The following SEMA5A variants were observed in gnomAD, a reference collection of about 807,000 sequenced individuals.
SEMA5A encodes semaphorin 5A.
SEMA5A carries 55 observed loss-of-function variants against 135.5 expected under a neutral mutation model. The observed-to-expected ratio is 0.41, with a 90% CI of 0.33 to 0.51. SEMA5A has a LOEUF of 0.51. SEMA5A is among the 20% of genes least tolerant of loss of function. The pLI, the probability that SEMA5A is intolerant of heterozygous loss-of-function variation, is 0.37. For missense variants in SEMA5A, 1,290 were observed against 1,419.9 expected, an observed-to-expected ratio of 0.91 and a Z score of 1.47; for synonymous variants, 580 against 546.5, an observed-to-expected ratio of 1.06 and a Z score of -0.85.
intron 3 of SEMA5A, among the ~76,000 whole-genome samples, chr5:9,356,102 T>G (rs1754432275): frequency 6.6e-6 from 1 of 152,218 alleles, no homozygotes; most frequent in African/African-American, 2.4e-5. Context: ...CCTTCAATTC[T>G]TTCCCCAGAA....
At chr5:9,132,128 T>C (rs1741471013) in intron 13 of SEMA5A, among the ~76,000 whole-genome samples, 1 of 152,210 alleles carries the variant, frequency 6.6e-6, no homozygotes, top group Admixed American at 6.5e-5. Context: ...GAGTAAACTA[T>C]TGCCCTGTCA....
At chr5:9,371,386 G>T (rs1297400956) in intron 3 of SEMA5A, among the ~76,000 whole-genome samples, 1 of 152,104 alleles carries the variant, frequency 6.6e-6, no homozygotes, top group Non-Finnish European at 1.5e-5. Flanking sequence ...TTAAAGTCCA[G>T]TCTAAGTATT....
intron 20 of SEMA5A, 146 bp downstream of exon 20, chr5:9,051,727 C>G: frequency 1.1e-6 from 1 of 885,986 alleles, no homozygotes. Context: ...TATAGACCTA[C>G]GTTTTAAACA....
In SEMA5A at chr5:9,037,238, G is replaced by C. The variant is rs1159535305; in HGVS notation, c.*5659C>G. ...TGCGCCAACACTGTAAAACATGTTTGCTTGAGCAAGAATTGATATTGACTC... is the reference window on the plus strand; with the variant it reads ...TGCGCCAACACTGTAAAACATGTTTCCTTGAGCAAGAATTGATATTGACTC... On this transcript the variant is annotated 3_prime_UTR_variant, in exon 23 of 23. Coordinates refer to ENST00000382496, the MANE Select transcript of SEMA5A (RefSeq NM_003966.3). 1 of 152,194 alleles carries C rather than the reference G, an allele frequency of 6.6e-6. No homozygotes were observed. The highest frequency in any genetic ancestry group is 2.4e-5 in the African/African-American group (1 of 41,434). The allele number at this position is 152,194 out of a possible 1,614,324, so 9.4% of individuals were successfully genotyped here.
chr5:9,439,089 A>AG (rs1758138598), intron 1 of SEMA5A, among the ~76,000 whole-genome samples: 1 of 152,134 alleles, frequency 6.6e-6, no homozygotes, highest in Non-Finnish European at 1.5e-5. Flanking sequence ...CCAGCAGCCC[A>AG]GGCACCCTCA....
chr5:9,243,504 A>G (rs890778552), intron 5 of SEMA5A, among the ~76,000 whole-genome samples: 1 of 152,190 alleles, frequency 6.6e-6, no homozygotes, highest in Non-Finnish European at 1.5e-5. Flanking sequence ...GTGATACTCT[A>G]CAACCCAGTA....
At chr5:9,147,273 T>C (rs1742388700) in intron 12 of SEMA5A, among the ~76,000 whole-genome samples, 1 of 152,144 alleles carries the variant, frequency 6.6e-6, no homozygotes, top group African/African-American at 2.4e-5. Flanking sequence ...ATAGAACCAA[T>C]GTCTTTTTCC....
chr5:9,241,075 C>T (rs1266293154), intron 5 of SEMA5A, among the ~76,000 whole-genome samples: 1 of 152,080 alleles, frequency 6.6e-6, no homozygotes, highest in Non-Finnish European at 1.5e-5. Flanking sequence ...TATATTTCAG[C>T]AGCAGACATA....
At chr5:9,477,289 G>A (rs1043679924) in intron 1 of SEMA5A, among the ~76,000 whole-genome samples, 1 of 152,138 alleles carries the variant, frequency 6.6e-6, no homozygotes, top group Non-Finnish European at 1.5e-5. Flanking sequence ...AGTGAAAACA[G>A]GAATGTAATG....
At chr5:9,047,628 T>A (rs1217081843) in intron 21 of SEMA5A, among the ~76,000 whole-genome samples, 5 of 152,162 alleles carry the variant, frequency 3.3e-5, no homozygotes, top group African/African-American at 1.2e-4. Flanking sequence ...TCCTGTACAA[T>A]GATTGATTTT....
chr5:9,284,288 C>T (rs28626358), intron 5 of SEMA5A, among the ~76,000 whole-genome samples: 1 of 152,170 alleles, frequency 6.6e-6, no homozygotes, highest in Non-Finnish European at 1.5e-5. Context: ...GAATATCTAA[C>T]ACAGTAGCAA....
intron 8 of SEMA5A, among the ~76,000 whole-genome samples, chr5:9,221,337 G>A (rs367972603): frequency 8.2e-6 from 1 of 122,072 alleles, no homozygotes; most frequent in African/African-American, 3.1e-5. Flanking sequence ...GAGTCTCGCT[G>A]TGTCACCCAG....
At chr5:9,373,005 C>G (rs1488980149) in intron 3 of SEMA5A, among the ~76,000 whole-genome samples, 1 of 152,118 alleles carries the variant, frequency 6.6e-6, no homozygotes, top group African/African-American at 2.4e-5. Context: ...GGCCAGAAAA[C>G]AGGCAAGAAG....
At chr5:9,281,770 T>G (rs1045791532) in intron 5 of SEMA5A, among the ~76,000 whole-genome samples, 1 of 151,426 alleles carries the variant, frequency 6.6e-6, no homozygotes, top group African/African-American at 2.4e-5. Context: ...GACGGCATGC[T>G]GTGACTAATG....
At chr5:9,043,067 C>T in intron 22 of SEMA5A, 51 bp from the exon 23 acceptor site, 1 of 1,460,112 alleles carries the variant, frequency 6.8e-7, no homozygotes, top group Non-Finnish European at 9.5e-7. Flanking sequence ...AGTAGCATTT[C>T]AGAAATAATA....
At chr5:9,270,838 C>T (rs7733515) in intron 5 of SEMA5A, among the ~76,000 whole-genome samples, 24,048 of 152,036 alleles carry the variant, frequency 0.16, 2,455 homozygotes, top group Non-Finnish European at 0.22. Context: ...AGGCAGACTT[C>T]TCCAATGTAC....
At chr5:9,430,409 T>C (rs563115570) in intron 2 of SEMA5A, among the ~76,000 whole-genome samples, 2 of 152,266 alleles carry the variant, frequency 1.3e-5, no homozygotes, top group African/African-American at 4.8e-5. Flanking sequence ...GAGTAATTAG[T>C]GTGCAAATGA....
intron 5 of SEMA5A, among the ~76,000 whole-genome samples, chr5:9,313,391 G>A (rs1030205347): frequency 3.9e-5 from 6 of 152,054 alleles, no homozygotes; most frequent in African/African-American, 1.2e-4. Flanking sequence ...CTAGCTTCTG[G>A]GTTAACGTTA....
Position 9,066,460 on chromosome 5 carries a change from A to T in SEMA5A, c.2260T>A (p.Tyr754Asn). 3 of 1,614,192 alleles carry T rather than the reference A, an allele frequency of 1.9e-6. No individual in the cohort carries two copies. The highest frequency in any genetic ancestry group is 2.5e-6 in the Non-Finnish European group (3 of 1,180,026). ...CCACTGGTGCCGTCGCTAGAACAGT[A>T]CCGCATTTCGATTCTCTGTCTTCCC... ...EVGRQRIEMR[Y>N]CSSDGTSGCS... Residue 754 changes from tyrosine to asparagine, a missense_variant, in exon 17 of 23, where the codon TAC becomes AAC. By Grantham distance (143) the Tyr-to-Asn change is moderately radical. Coordinates refer to ENST00000382496, the MANE Select transcript of SEMA5A (RefSeq NM_003966.3).
Sources: gnomAD v4.1 joint callset for allele counts (sites outside exome capture counted in the v4.1 genomes callset) on GRCh38, gnomAD v4.1.1 for gene constraint, MANE v1.5 for transcripts, NCBI Gene and HGNC (gene_info 2026-07-23, HGNC 2026-07-21) for gene names.